ZNF69: variants seen among roughly 807,000 people sequenced by gnomAD.
The protein encoded by ZNF69 is ZNF3.
Under a neutral mutation model 50.9 loss-of-function variants are expected in ZNF69, and 47 were observed. The observed-to-expected ratio is 0.92, with a 90% CI of 0.73 to 1.18. The LOEUF (loss-of-function observed/expected upper bound fraction) is 1.18, where lower values mean the gene tolerates loss of function less well. Among genes scored for constraint, ZNF69 ranks in the 50% most tolerant of loss-of-function variants. The pLI is 0.00. For missense variants in ZNF69, 717 were observed against 675.1 expected, an observed-to-expected ratio of 1.06 and a Z score of -0.69; for synonymous variants, 216 against 223.1, an observed-to-expected ratio of 0.97 and a Z score of 0.29.
At chr19:11,958,186 A>T in the ZNF69 span, among the ~76,000 whole-genome samples, 2 of 151,870 alleles carry the variant, frequency 1.3e-5, no homozygotes, top group African/African-American at 4.8e-5. Context: ...CTCTGATTTG[A>T]CTCGTCCTGA....
chr19:11,977,249 A>T, the ZNF69 span: 1 of 1,605,408 alleles, frequency 6.2e-7, no homozygotes, highest in South Asian at 1.1e-5. Context: ...TTTGGAACAT[A>T]GACAGGAAAT....
intron 1 of ZNF69, among the ~76,000 whole-genome samples, chr19:11,895,017 G>A (rs968387450): frequency 6.6e-6 from 1 of 152,202 alleles, no homozygotes; most frequent in African/African-American, 2.4e-5. Flanking sequence ...TGAGCAGGAT[G>A]GGGGTGGAGA....
intron 1 of ZNF69, among the ~76,000 whole-genome samples, chr19:11,898,715 A>G (rs1017746712): frequency 1.3e-5 from 2 of 152,040 alleles, no homozygotes; most frequent in African/African-American, 2.4e-5. Flanking sequence ...AAACATCTTG[A>G]CTGGCCAGGT....
the ZNF69 span, among the ~76,000 whole-genome samples, chr19:11,933,354 TGAA>T: frequency 1.3e-5 from 2 of 148,340 alleles, no homozygotes; most frequent in African/African-American, 5.3e-5. Context: ...CGATGAAAAT[TGAA>T]GAAGCCAATA....
chr19:11,970,982 C>T, the ZNF69 span, among the ~76,000 whole-genome samples: 1 of 152,090 alleles, frequency 6.6e-6, no homozygotes, highest in African/African-American at 2.4e-5. Context: ...TCACAATTTG[C>T]TGTTTTCCAT....
chr19:11,951,059 G>A, the ZNF69 span, among the ~76,000 whole-genome samples: 2 of 148,308 alleles, frequency 1.3e-5, no homozygotes, highest in Non-Finnish European at 3.0e-5. Flanking sequence ...GCTGAGGCAG[G>A]AGAATCGCTT....
downstream of ZNF69, among the ~76,000 whole-genome samples, chr19:11,915,192 G>A (rs1208717053): frequency 6.6e-6 from 1 of 152,130 alleles, no homozygotes; most frequent in Non-Finnish European, 1.5e-5. Context: ...TCGACACAGC[G>A]AGACTCTGTC....
intron 1 of ZNF69, among the ~76,000 whole-genome samples, chr19:11,890,821 G>A (rs890402888): frequency 6.6e-6 from 1 of 152,118 alleles, no homozygotes; most frequent in Non-Finnish European, 1.5e-5. Flanking sequence ...AGGTACATGA[G>A]GAGACAAACC....
At chr19:11,959,182 T>C in the ZNF69 span, among the ~76,000 whole-genome samples, 1 of 152,212 alleles carries the variant, frequency 6.6e-6, no homozygotes, top group Non-Finnish European at 1.5e-5. Context: ...CCATTGCACC[T>C]GGCCACATCT....
the ZNF69 span, among the ~76,000 whole-genome samples, chr19:11,969,200 G>A: frequency 6.6e-6 from 1 of 152,190 alleles, no homozygotes; most frequent in Non-Finnish European, 1.5e-5. Context: ...TGCCTTCTGG[G>A]TTCAAGTAAT....
chr19:11,905,733 T>A lies in ZNF69; in HGVS notation c.1336T>A (p.Cys446Ser), dbSNP rs374879663. ...TCACACTGGAGAGAAGCCCTATGAA[T>A]GTCAGGAATGTGGGAAAGCCTTCAG... ...RTHTGEKPYE[C>S]QECGKAFRSM... Residue 446 changes from cysteine (C) to serine (S), a missense_variant, in exon 4 of 4, where the codon TGT becomes AGT. Transcript: ENST00000429654. 63 of 1,613,108 alleles carry A rather than the reference T, an allele frequency of 3.9e-5. No homozygotes were observed. The East Asian group carries it at 9.4e-4, about 24-fold the overall frequency.
At chr19:11,909,461 T>C (rs1472146204), downstream of ZNF69, among the ~76,000 whole-genome samples, 2 of 152,158 alleles carry the variant, frequency 1.3e-5, no homozygotes, top group African/African-American at 4.8e-5. Flanking sequence ...ATCAAAAAGC[T>C]TATCCACCAC....
At chr19:11,957,118 G>T in the ZNF69 span, among the ~76,000 whole-genome samples, 2 of 150,240 alleles carry the variant, frequency 1.3e-5, no homozygotes, top group African/African-American at 2.5e-5. Context: ...TTGAGATGGG[G>T]TCTCGCTCTG....
chr19:11,922,484 G>T, the ZNF69 span, among the ~76,000 whole-genome samples: 2 of 152,280 alleles, frequency 1.3e-5, no homozygotes, highest in East Asian at 3.9e-4. Flanking sequence ...CCACAACAAT[G>T]GGATTCTAGG....
the ZNF69 span, among the ~76,000 whole-genome samples, chr19:11,963,639 C>T: frequency 1.3e-5 from 2 of 152,178 alleles, no homozygotes; most frequent in African/African-American, 2.4e-5. Flanking sequence ...CCCAATCGGG[C>T]TTAGTTATGA....
the ZNF69 span, chr19:11,950,242 GCATT>G: frequency 1.2e-6 from 2 of 1,609,926 alleles, no homozygotes; most frequent in Non-Finnish European, 8.5e-7. Flanking sequence ...TTGTGGGAAA[GCATT>G]CAGCTAGCCT....
chr19:11,978,661 A>T, the ZNF69 span: 9 of 1,614,146 alleles, frequency 5.6e-6, no homozygotes, highest in East Asian at 2.0e-4. Flanking sequence ...CATCGAATAC[A>T]TGAAAGAACT....
At chr19:11,895,086 C>T (rs921312646) in intron 1 of ZNF69, among the ~76,000 whole-genome samples, 2 of 152,228 alleles carry the variant, frequency 1.3e-5, no homozygotes, top group Non-Finnish European at 2.9e-5. Context: ...CACTGTGTTC[C>T]AGCCAGTATT....
chr19:11,976,555 C>CAA, the ZNF69 span, among the ~76,000 whole-genome samples: 5,450 of 73,512 alleles, frequency 0.074, 347 homozygotes, highest in African/African-American at 0.16. Flanking sequence ...GACTCTGTCT[C>CAA]AAAAAAAAAA....
Sources: gnomAD v4.1 joint callset for allele counts (sites outside exome capture counted in the v4.1 genomes callset) on GRCh38, gnomAD v4.1.1 for gene constraint, MANE v1.5 for transcripts, NCBI Gene and HGNC (gene_info 2026-07-23, HGNC 2026-07-21) for gene names.